TRIO: variants seen among roughly 807,000 people sequenced by gnomAD.
TRIO encodes the protein triple functional domain protein.
TRIO carries 58 observed loss-of-function variants against 351.9 expected under a neutral mutation model. The ratio of observed to expected loss-of-function variants is 0.16; its 90% confidence interval spans 0.13 to 0.21. The LOEUF (loss-of-function observed/expected upper bound fraction) is 0.21, where lower values mean the gene tolerates loss of function less well. Ranked by LOEUF, TRIO falls within the 10% of genes least tolerant of loss-of-function variation. The pLI is 1.00. For missense variants in TRIO, 3,201 were observed against 4,027.8 expected (o/e 0.79, Z 5.56); for synonymous variants, 1,758 against 1,595.7 (o/e 1.10, Z -2.42).
At chr5:14,353,866 T>C (rs932618620) in intron 11 of TRIO, among the ~76,000 whole-genome samples, 1 of 152,262 alleles carries the variant, frequency 6.6e-6, no homozygotes, top group Non-Finnish European at 1.5e-5. Flanking sequence ...GAGTCATTTT[T>C]CATCTTCTCT....
At chr5:14,318,353 G>T (rs1195251826) in intron 9 of TRIO, among the ~76,000 whole-genome samples, 17 of 150,806 alleles carry the variant, frequency 1.1e-4, no homozygotes, top group East Asian at 5.8e-4. Context: ...TACTCAGGAG[G>T]CTGAGGCAGG....
intron 34 of TRIO, among the ~76,000 whole-genome samples, chr5:14,427,074 A>G (rs1750704087): frequency 6.6e-6 from 1 of 152,290 alleles, no homozygotes; most frequent in Non-Finnish European, 1.5e-5. Flanking sequence ...ACATTCTAAC[A>G]GGTGACCACT....
intron 1 of TRIO, among the ~76,000 whole-genome samples, chr5:14,245,642 A>G (rs972956854): frequency 2.6e-5 from 4 of 152,188 alleles, no homozygotes; most frequent in African/African-American, 9.6e-5. Context: ...GGCCTTTGCA[A>G]TAGACACACT....
At chr5:14,450,174 C>G (rs549365272) in intron 34 of TRIO, among the ~76,000 whole-genome samples, 1 of 152,184 alleles carries the variant, frequency 6.6e-6, no homozygotes, top group Non-Finnish European at 1.5e-5. Flanking sequence ...CGGCCGGCCT[C>G]ATATCTCTAG....
rs944204611 is a variant in TRIO at position 14,487,734 on chromosome 5, C to T, written c.7106C>T (p.Thr2369Met). 5.6e-6 allele frequency: 8 copies of T among 1,426,836 alleles called. No individual in the cohort carries two copies. The highest frequency in any genetic ancestry group is 2.4e-5 in the Admixed American group (1 of 41,146). The allele number at this position is 1,426,836 out of a possible 1,614,324, so 88.4% of individuals were successfully genotyped here. Residue 2369 changes from threonine (T) to methionine (M), a missense_variant, in exon 48 of 57, where the codon ACG becomes ATG. Physicochemically the swap from Thr to Met is moderately conservative, Grantham distance 81 (BLOSUM62 -1). Transcript: ENST00000344204. ...SQAEADKMSG[T>M]STPGPSLPPP... ...GCAGAGGCAGACAAGATGTCAGGTA[C>T]GTCCACCCCCGGGCCCTCCCTGCCT...
At chr5:14,255,217 C>T (rs543567924) in intron 1 of TRIO, among the ~76,000 whole-genome samples, 1 of 152,260 alleles carries the variant, frequency 6.6e-6, no homozygotes, top group East Asian at 1.9e-4. Context: ...TTTGGGAAAA[C>T]AGTTTGATAT....
rs765475190 is a variant in TRIO, at chr5:14,462,928, A to G, written c.5667+3A>G. On this transcript the variant is annotated splice_donor_region_variant and intron_variant, in intron 36 of 56. Transcript: ENST00000344204. ...AGCCAGACTCACAGGATGACAAGGT[A>G]AAGGGGGATGAGGGCTGGGGAATCC... 1.9e-6 allele frequency: 3 copies of G among 1,583,370 alleles called. No homozygotes were observed. The highest frequency in any genetic ancestry group is 3.6e-5 in the Admixed American group (2 of 56,238).
chr5:14,264,201 T>C (rs913847298), intron 1 of TRIO, among the ~76,000 whole-genome samples: 3 of 152,114 alleles, frequency 2.0e-5, no homozygotes, highest in Admixed American at 2.0e-4. Context: ...TGTGGTCTTT[T>C]TGATTATTTT....
intron 29 of TRIO, among the ~76,000 whole-genome samples, chr5:14,398,487 G>C (rs1453510773): frequency 6.6e-6 from 1 of 152,114 alleles, no homozygotes; most frequent in Non-Finnish European, 1.5e-5. Context: ...AGGCTGGGAA[G>C]TAGGTGGGGG....
At chr5:14,437,624 G>C (rs1485642749) in intron 34 of TRIO, among the ~76,000 whole-genome samples, 1 of 151,014 alleles carries the variant, frequency 6.6e-6, no homozygotes, top group Non-Finnish European at 1.5e-5. Context: ...ACTTTCTTCT[G>C]TGCATGTCTG....
Position 14,316,505 on chromosome 5 carries a change from G to T in TRIO, c.1501-8G>T, listed in dbSNP as rs200363803. ...TCGTGAAGAATCACTCATTTCTTTT[G>T]TGGGCAGGTCAGCCAAGATGGGAAG... On this transcript the variant is annotated splice_region_variant and splice_polypyrimidine_tract_variant and intron_variant, in intron 8 of 56. Transcript: ENST00000344204. 2.2e-5 allele frequency: 35 copies of T among 1,613,566 alleles called. No homozygotes were observed. The highest frequency in any genetic ancestry group is 3.0e-5 in the Non-Finnish European group (35 of 1,179,856).
At chr5:14,427,747 C>T (rs572882564) in intron 34 of TRIO, among the ~76,000 whole-genome samples, 1 of 152,270 alleles carries the variant, frequency 6.6e-6, no homozygotes, top group Admixed American at 6.5e-5. Context: ...CTGAAATGAC[C>T]TGCCGATGGT....
intron 1 of TRIO, among the ~76,000 whole-genome samples, chr5:14,156,524 C>A (rs1435785808): frequency 1.3e-5 from 2 of 152,154 alleles, no homozygotes; most frequent in African/African-American, 2.4e-5. Flanking sequence ...TATGTTTAGA[C>A]TCAGTGTGTC....
intron 1 of TRIO, among the ~76,000 whole-genome samples, chr5:14,233,503 A>AT (rs1438173759): frequency 1.3e-5 from 2 of 151,818 alleles, no homozygotes; most frequent in East Asian, 1.9e-4. Context: ...AGAAAAAAAA[A>AT]GGAATCATGT....
chr5:14,144,050 C>G (rs949918829), intron 1 of TRIO, among the ~76,000 whole-genome samples, 168 bp downstream of exon 1: 1 of 151,894 alleles, frequency 6.6e-6, no homozygotes, highest in Non-Finnish European at 1.5e-5. Context: ...CGGGGCTGCC[C>G]GCCCCACATC....
intron 1 of TRIO, among the ~76,000 whole-genome samples, chr5:14,253,619 G>A (rs1328118739): frequency 6.6e-6 from 1 of 152,150 alleles, no homozygotes; most frequent in Non-Finnish European, 1.5e-5. Flanking sequence ...GATTGATTAC[G>A]GGCATGAACT....
At chr5:14,485,848 C>T (rs1366423072) in intron 47 of TRIO, among the ~76,000 whole-genome samples, 1 of 152,110 alleles carries the variant, frequency 6.6e-6, no homozygotes, top group East Asian at 1.9e-4. Context: ...ATTAGCCGGG[C>T]GTGGTGGCGC....
intron 53 of TRIO, among the ~76,000 whole-genome samples, chr5:14,500,238 T>C (rs1326736612): frequency 1.3e-5 from 2 of 152,134 alleles, no homozygotes; most frequent in Non-Finnish European, 2.9e-5. Context: ...GAAGCCACTT[T>C]GTTTGCAGGC....
chr5:14,319,770 A>C (rs189995914), intron 9 of TRIO, among the ~76,000 whole-genome samples: 1 of 152,342 alleles, frequency 6.6e-6, no homozygotes, highest in East Asian at 1.9e-4. Flanking sequence ...TTGAAGGAGC[A>C]AATATGTCTA....
Sources: gnomAD v4.1 joint callset for allele counts (sites outside exome capture counted in the v4.1 genomes callset) on GRCh38, gnomAD v4.1.1 for gene constraint, MANE v1.5 for transcripts, NCBI Gene and HGNC (gene_info 2026-07-23, HGNC 2026-07-21) for gene names.